The following TRMT44 variants were observed in gnomAD, a reference collection of about 807,000 sequenced individuals.
TRMT44 encodes the protein tRNA methyltransferase 44 homolog.
TRMT44 carries 78 observed loss-of-function variants against 77.3 expected under a neutral mutation model. The observed-to-expected ratio is 1.01, with a 90% CI of 0.84 to 1.22. The LOEUF (loss-of-function observed/expected upper bound fraction) is 1.22. Ranked by LOEUF, TRMT44 falls within the 50% of genes most tolerant of loss-of-function variation. TRMT44 has a pLI of 0.00. For synonymous variants in TRMT44, 391 were observed against 383.3 expected, an observed-to-expected ratio of 1.02 and a Z score of -0.23; for missense variants, 1,090 against 964.4, an observed-to-expected ratio of 1.13 and a Z score of -1.73.
chr4:8,444,387 ATAACT>A lies in TRMT44; in HGVS notation c.620-2085_620-2081del, dbSNP rs1724935519. On this transcript the variant is annotated intron_variant, in intron 1 of 10. Coordinates refer to ENST00000389737, the MANE Select transcript of TRMT44 (RefSeq NM_152544.3). This position sits in a 1 kb window ranked among gnomAD's most constrained non-coding sequence, Gnocchi z 4.0. ...TCTAACAGGGGGATTATAATGAATA[ATAACT>A]TAATTGTACTTTTTTTTTTTTTTTG... Among the ~76,000 whole-genome samples the A allele has an allele frequency of 6.6e-6, 1 of 152,028 alleles. No individual in the cohort carries two copies. The highest frequency in any genetic ancestry group is 2.4e-5 in the African/African-American group (1 of 41,386).
At chr4:8,499,369 G>A in the TRMT44 span, among the ~76,000 whole-genome samples, 2 of 152,136 alleles carry the variant, frequency 1.3e-5, no homozygotes, top group Admixed American at 6.5e-5. Flanking sequence ...CTGCCAAACC[G>A]CAGCCTGCCT....
intron 2 of TRMT44, among the ~76,000 whole-genome samples, chr4:8,486,572 G>A (rs1727811328): frequency 6.6e-6 from 1 of 151,148 alleles, no homozygotes; most frequent in Non-Finnish European, 1.5e-5. Flanking sequence ...AGAATAGACG[G>A]CCTTCTGACT....
chr4:8,487,422 C>T (rs11735959), intron 2 of TRMT44, among the ~76,000 whole-genome samples: 16,142 of 151,310 alleles, frequency 0.11, 1,119 homozygotes, highest in Non-Finnish European at 0.15. Flanking sequence ...GGGGTCGGAT[C>T]GTGGAAATAA....
In TRMT44 at chr4:8,446,773, G is replaced by A. The variant is rs1441348629; in HGVS notation, c.734+183G>A. On this transcript the variant is annotated intron_variant, in intron 2 of 10. Transcript: ENST00000389737. The surrounding 1 kb of genome is among the most constrained non-coding windows in gnomAD (Gnocchi z 4.3). ...GCTCTTCCTGTTGGTGCCTGGCCTC[G>A]AGTCTGGGTGGTCACAGCCTGGCTG... Among the ~76,000 whole-genome samples, 4 of 152,230 alleles carry A rather than the reference G, an allele frequency of 2.6e-5. No individual in the cohort carries two copies. The highest frequency in any genetic ancestry group is 5.9e-5 in the Non-Finnish European group (4 of 68,010).
chr4:8,498,487 G>A (rs2109246724), downstream of TRMT44, among the ~76,000 whole-genome samples: 1 of 152,326 alleles, frequency 6.6e-6, no homozygotes, highest in African/African-American at 2.4e-5. The surrounding 1 kb of genome is among the most constrained non-coding windows in gnomAD (Gnocchi z 4.3). Flanking sequence ...TTACAATCAT[G>A]GCGGAAGGCA....
intron 2 of TRMT44, among the ~76,000 whole-genome samples, chr4:8,489,950 G>A (rs1727944259): frequency 6.6e-6 from 1 of 152,184 alleles, no homozygotes; most frequent in Non-Finnish European, 1.5e-5. Context: ...AATTACTCCT[G>A]AAAATAGCAT....
chr4:8,465,690 C>A, intron 8 of TRMT44, 129 bp downstream of exon 8: 1 of 816,916 alleles, frequency 1.2e-6, no homozygotes, highest in Non-Finnish European at 1.9e-6. Context: ...GTGCTGATTT[C>A]TGTGCCTCTG....
chr4:8,462,614 A>G (rs1416851214), intron 6 of TRMT44, among the ~76,000 whole-genome samples: 3 of 152,138 alleles, frequency 2.0e-5, no homozygotes, highest in Non-Finnish European at 2.9e-5. Context: ...CTGAGGCAGT[A>G]GAATTGCTTG....
chr4:8,451,806 A>T lies in TRMT44; in HGVS notation c.955-154A>T, dbSNP rs749211494. On this transcript the variant is annotated intron_variant, in intron 3 of 10. Transcript: ENST00000389737. This position sits in a 1 kb window ranked among gnomAD's most constrained non-coding sequence, Gnocchi z 4.1. ...CTTTATGTAAATCTTTTATTGTAAG[A>T]AACCAGTTGTGAATTCCTGCCTTTG... 6.6e-6 allele frequency among the ~76,000 whole-genome samples: 1 copy of T among 152,208 alleles called. No individual in the cohort carries two copies. Among genetic ancestry groups the T allele is most frequent in the Non-Finnish European group, 1.5e-5 (1 of 68,038 alleles).
In TRMT44 at chr4:8,446,464, T is replaced by G; in HGVS notation, c.620-12T>G. ...CAGTTGTAATTTGTCCTTCTTCTCTTTTTCTTTCCAGATGTCCTCAATGGA... is the reference window on the plus strand; with the variant it reads ...CAGTTGTAATTTGTCCTTCTTCTCTGTTTCTTTCCAGATGTCCTCAATGGA... On this transcript the variant is annotated splice_polypyrimidine_tract_variant and intron_variant, in intron 1 of 10. Transcript: ENST00000389737. The surrounding 1 kb of genome is among the most constrained non-coding windows in gnomAD (Gnocchi z 4.3). The G allele has an allele frequency of 6.6e-7, 1 of 1,517,080 alleles. No individual in the cohort carries two copies. The highest frequency in any genetic ancestry group is 8.8e-7 in the Non-Finnish European group (1 of 1,130,210). The allele number at this position is 1,517,080 out of a possible 1,614,324, so 94.0% of individuals were successfully genotyped here. A position where few individuals can be genotyped will look rare whatever the true frequency, so the allele number is the denominator to read the frequency against.
chr4:8,487,896 G>A (rs570622724), intron 2 of TRMT44, among the ~76,000 whole-genome samples: 6 of 152,136 alleles, frequency 3.9e-5, no homozygotes, highest in Non-Finnish European at 8.8e-5. Context: ...TCCCTGCAAT[G>A]ATTAAACACC....
At chr4:8,470,991 G>T (rs752750457) in intron 9 of TRMT44, 93 bp from the exon 10 acceptor site, 17 of 827,372 alleles carry the variant, frequency 2.1e-5, no homozygotes, top group Non-Finnish European at 3.0e-5. Context: ...GCGTGTGAGT[G>T]TATGGAACTG....
intron 2 of TRMT44, among the ~76,000 whole-genome samples, chr4:8,485,914 A>T (rs547773778): frequency 6.6e-6 from 1 of 152,156 alleles, no homozygotes; most frequent in African/African-American, 2.4e-5. Context: ...AAAGAAGGCA[A>T]CGTGGAGTGG....
chr4:8,450,792 G>GTTTTTTTT (rs59875098), intron 3 of TRMT44, among the ~76,000 whole-genome samples: 7 of 96,678 alleles, frequency 7.2e-5, no homozygotes, highest in Admixed American at 1.3e-4. Flanking sequence ...TCATTTCCAT[G>GTTTTTTTT]TTTTTTTTTT....
chr4:8,441,444 A>G lies in TRMT44; in HGVS notation c.619+3A>G. On this transcript the variant is annotated splice_donor_region_variant and intron_variant, in intron 1 of 10. Transcript: ENST00000389737. The stretch of plus-strand genomic sequence containing the variant: ...CAGGAGGGAAATAGTCGTGCAAGGT[A>G]AGAGTGTTTTGATAGTGGACGGATA... 6.7e-7 allele frequency: 1 copy of G among 1,502,678 alleles called. No homozygotes were observed. The highest frequency in any genetic ancestry group is 8.9e-7 in the Non-Finnish European group (1 of 1,125,368). The allele number at this position is 1,502,678 out of a possible 1,614,324, so 93.1% of individuals were successfully genotyped here.
chr4:8,473,234 A>G, intron 10 of TRMT44: 1 of 152,438 alleles, frequency 6.6e-6, no homozygotes, highest in Non-Finnish European at 1.5e-5. Flanking sequence ...GAGGGCCACA[A>G]GGGCCAGCCC....
intron 7 of TRMT44, among the ~76,000 whole-genome samples, chr4:8,464,919 T>TG (rs1258200027): frequency 5.9e-5 from 9 of 152,162 alleles, no homozygotes; most frequent in Non-Finnish European, 1.2e-4. Context: ...TGCAGCAACA[T>TG]GGGGTGCAGC....
At chr4:8,471,237 C>T in intron 10 of TRMT44, 37 bp downstream of exon 10, 1 of 1,317,280 alleles carries the variant, frequency 7.6e-7, no homozygotes, top group Middle Eastern at 1.9e-4. Context: ...TTCTTTCCTT[C>T]TTTTTCCCCC....
At chr4:8,497,852 G>A (rs1728194836), downstream of TRMT44, among the ~76,000 whole-genome samples, 1 of 152,196 alleles carries the variant, frequency 6.6e-6, no homozygotes, top group South Asian at 2.1e-4. Context: ...TCCCCTCAGG[G>A]TTCTGCCCTT....
Sources: gnomAD v4.1 joint callset for allele counts (sites outside exome capture counted in the v4.1 genomes callset) on GRCh38, gnomAD v4.1.1 for gene constraint, Gnocchi (gnomAD v3.1) non-coding constraint, MANE v1.5 for transcripts, NCBI Gene and HGNC (gene_info 2026-07-23, HGNC 2026-07-21) for gene names.